DCAF7: variants seen among roughly 807,000 people sequenced by gnomAD.
DCAF7 encodes DDB1- and CUL4-associated factor 7.
Under a neutral mutation model 41.2 loss-of-function variants are expected in DCAF7, and 4 were observed. The ratio of observed to expected loss-of-function variants is 0.10; its 90% confidence interval spans 0.05 to 0.22. The LOEUF is 0.22. Ranked by LOEUF, DCAF7 falls within the 10% of genes least tolerant of loss-of-function variation. The pLI is 1.00. For synonymous variants in DCAF7, 143 were observed against 164.2 expected (o/e 0.87, Z 0.99); for missense variants, 131 against 443.2 (o/e 0.30, Z 6.32).
chr17:63,556,590 C>T lies in DCAF7; in HGVS notation c.138+5775C>T, dbSNP rs141478091. ...TCAAAAAGAAAAAATAAATCAGGGC[C>T]GGGCGCAGTGGCTCATGCCTGTAAT... On this transcript the variant is annotated intron_variant, in intron 1 of 6. Coordinates refer to ENST00000614556, the MANE Select transcript of DCAF7 (RefSeq NM_005828.5). Among the ~76,000 whole-genome samples, 71 of 151,716 alleles carry T rather than the reference C, an allele frequency of 4.7e-4. 1 individual carries two copies. The East Asian group carries it at 9.5e-3, about 20-fold the overall frequency.
At chr17:63,588,827 A>C (rs2147780140) in intron 6 of DCAF7, among the ~76,000 whole-genome samples, 173 bp from the exon 7 acceptor site, 2 of 152,296 alleles carry the variant, frequency 1.3e-5, no homozygotes, top group Middle Eastern at 3.4e-3. Flanking sequence ...GTGATTTGGA[A>C]CAAGTGCCTT....
At chr17:63,582,138 C>G (rs893050301) in intron 4 of DCAF7, among the ~76,000 whole-genome samples, 4 of 152,206 alleles carry the variant, frequency 2.6e-5, no homozygotes, top group African/African-American at 9.7e-5. Context: ...ATCTGTCAGG[C>G]ACGTCAGGCC....
At chr17:63,563,972 T>C (rs1256371103) in intron 1 of DCAF7, among the ~76,000 whole-genome samples, 1 of 152,182 alleles carries the variant, frequency 6.6e-6, no homozygotes, top group Admixed American at 6.5e-5. Context: ...TTTTGTCAAA[T>C]TAATAGAGAT....
chr17:63,589,124 C>T lies in DCAF7; in HGVS notation c.981C>T (p.Asp327=). 6.2e-7 allele frequency: 1 copy of T among 1,614,034 alleles called. No individual in the cohort carries two copies. The highest frequency in any genetic ancestry group is 8.5e-7 in the Non-Finnish European group (1 of 1,179,898). Residue 327 remains aspartate, a synonymous_variant, in exon 7 of 7, where the codon GAC becomes GAT. Transcript: ENST00000614556. ...NNVQWASTQP[D]WIAICYNNCL... ...TGCAGTGGGCATCAACTCAGCCCGA[C>T]TGGATCGCCATCTGCTACAACAACT...
At chr17:63,557,504 C>CAA (rs574485259) in intron 1 of DCAF7, among the ~76,000 whole-genome samples, 3 of 134,754 alleles carry the variant, frequency 2.2e-5, no homozygotes, top group African/African-American at 5.5e-5. Flanking sequence ...GTGAGACTGT[C>CAA]AAAAAAAAAA....
rs182308392 is a variant in DCAF7 at position 63,594,074 on chromosome 17, C to T, written c.*4902C>T. On this transcript the variant is annotated 3_prime_UTR_variant, in exon 7 of 7. Coordinates refer to ENST00000614556, the MANE Select transcript of DCAF7 (RefSeq NM_005828.5). Reference sequence around the variant, plus strand: ...AAAATTTTAACACTGTGCTGTGAAACAACTATGGGGAATCTCCATTGAAGG... The same window carrying T: ...AAAATTTTAACACTGTGCTGTGAAATAACTATGGGGAATCTCCATTGAAGG... The T allele has an allele frequency of 2.2e-3, 338 of 152,706 alleles. 1 individual carries two copies. Among genetic ancestry groups the T allele is most frequent in the Non-Finnish European group, 2.2e-3 (149 of 68,032 alleles). 9.5% of individuals were successfully genotyped at this position (152,706 alleles called of 1,614,324 possible).
intron 6 of DCAF7, among the ~76,000 whole-genome samples, chr17:63,586,056 TG>T (rs1411787169): frequency 1.5e-5 from 2 of 131,532 alleles, no homozygotes; most frequent in Non-Finnish European, 3.1e-5. Context: ...ACCCAGGAGG[TG>T]GAGGTTGCAT....
chr17:63,561,936 T>C (rs2033386231), intron 1 of DCAF7, among the ~76,000 whole-genome samples: 2 of 145,904 alleles, frequency 1.4e-5, no homozygotes, highest in Non-Finnish European at 3.0e-5. Flanking sequence ...CAAAGTCATA[T>C]AAGGGGTAAA....
intron 1 of DCAF7, among the ~76,000 whole-genome samples, chr17:63,559,926 A>G (rs2033363095): frequency 1.3e-5 from 2 of 152,194 alleles, no homozygotes; most frequent in African/African-American, 4.8e-5. Context: ...TATAAAAATA[A>G]AATCTCTGTA....
chr17:63,583,998 G>T (rs997621247), intron 5 of DCAF7, among the ~76,000 whole-genome samples: 3 of 152,132 alleles, frequency 2.0e-5, no homozygotes, highest in African/African-American at 7.2e-5. Context: ...AGCCTAATCT[G>T]GAATAAGAAT....
chr17:63,578,666 T>G, intron 2 of DCAF7, 38 bp downstream of exon 2: 2 of 1,613,216 alleles, frequency 1.2e-6, no homozygotes, highest in Non-Finnish European at 1.7e-6. Flanking sequence ...ACAAGTGGGC[T>G]TTCTCAGCCT....
rs145205765 is a variant in DCAF7 at position 63,579,497 on chromosome 17, A to ATTTTC, written c.409+51_409+55dup. On this transcript the variant is annotated intron_variant, in intron 3 of 6. Coordinates refer to ENST00000614556, the MANE Select transcript of DCAF7 (RefSeq NM_005828.5). ...TTTCAGCTGGAAGAAGCCAAAATAAATTTTCTCAGATGTCACACTGGGCCA... is the reference window on the plus strand; with the variant it reads ...TTTCAGCTGGAAGAAGCCAAAATAAATTTTCTTTTCTCAGATGTCACACTGGGCCA... The ATTTTC allele has an allele frequency of 3.8e-3, 5,222 of 1,387,278 alleles. 134 individuals carry two copies. The African/African-American group carries it at 0.065, about 17-fold the overall frequency. 85.9% of individuals were successfully genotyped at this position (1,387,278 alleles called of 1,614,324 possible).
chr17:63,572,164 AT>A (rs2033514368), intron 1 of DCAF7, among the ~76,000 whole-genome samples: 1 of 152,190 alleles, frequency 6.6e-6, no homozygotes, highest in Non-Finnish European at 1.5e-5. Flanking sequence ...AAGCTCATAT[AT>A]TGAGTAAGAC....
intron 1 of DCAF7, among the ~76,000 whole-genome samples, chr17:63,576,303 G>A (rs1006706560): frequency 2.0e-5 from 3 of 152,142 alleles, no homozygotes; most frequent in Non-Finnish European, 4.4e-5. Flanking sequence ...AATTAGCCGG[G>A]CGTAGTGGCA....
intron 1 of DCAF7, among the ~76,000 whole-genome samples, chr17:63,551,313 C>A (rs930055561): frequency 1.3e-5 from 2 of 149,248 alleles, no homozygotes; most frequent in Admixed American, 6.7e-5. Context: ...TCCCACCCCC[C>A]CCGGGTACTC....
intron 1 of DCAF7, among the ~76,000 whole-genome samples, chr17:63,562,385 G>A (rs2033391766): frequency 6.6e-6 from 1 of 152,068 alleles, no homozygotes; most frequent in African/African-American, 2.4e-5. Flanking sequence ...GGTGCGCACG[G>A]ACACTCATTA....
intron 5 of DCAF7, among the ~76,000 whole-genome samples, chr17:63,584,193 G>A (rs2033653273): frequency 6.6e-6 from 1 of 152,214 alleles, no homozygotes; most frequent in Admixed American, 6.5e-5. Flanking sequence ...CCTCTGGCCG[G>A]GCGCTCTGGG....
chr17:63,555,648 G>A (rs1001059879), intron 1 of DCAF7, among the ~76,000 whole-genome samples: 3 of 152,066 alleles, frequency 2.0e-5, no homozygotes, highest in Non-Finnish European at 4.4e-5. Context: ...TTAGAATGTC[G>A]CAGTGTTCCA....
intron 1 of DCAF7, among the ~76,000 whole-genome samples, chr17:63,561,645 G>C (rs2033381879): frequency 6.6e-6 from 1 of 152,144 alleles, no homozygotes; most frequent in Admixed American, 6.6e-5. Flanking sequence ...CTTGAGCCCA[G>C]AAGGCAGTGG....
Sources: gnomAD v4.1 joint callset for allele counts (sites outside exome capture counted in the v4.1 genomes callset) on GRCh38, gnomAD v4.1.1 for gene constraint, MANE v1.5 for transcripts, NCBI Gene and HGNC (gene_info 2026-07-23, HGNC 2026-07-21) for gene names.